The following RFX3 variants were observed in gnomAD, a reference collection of about 807,000 sequenced individuals.
The protein encoded by RFX3 is regulatory factor X3.
RFX3 carries 14 observed loss-of-function variants against 98.6 expected under a neutral mutation model. The observed-to-expected ratio is 0.14, with a 90% CI of 0.09 to 0.22. RFX3 has a LOEUF of 0.22. RFX3 is among the 10% of genes least tolerant of loss of function. The pLI, the probability that RFX3 is intolerant of heterozygous loss-of-function variation, is 1.00. For missense variants in RFX3, 639 were observed against 926.9 expected (o/e 0.69, Z 4.03); for synonymous variants, 383 against 328.4 (o/e 1.17, Z -1.80).
chr9:3,346,596 G>T, intron 3 of RFX3, 71 bp downstream of exon 3: 1 of 904,912 alleles, frequency 1.1e-6, no homozygotes, highest in Non-Finnish European at 1.9e-6. Flanking sequence ...TGGGAATAGT[G>T]GGAGGTGTTC....
intron 2 of RFX3, among the ~76,000 whole-genome samples, chr9:3,362,100 G>C (rs1836528836): frequency 6.6e-6 from 1 of 152,156 alleles, no homozygotes; most frequent in African/African-American, 2.4e-5. Context: ...AAAAAGCATG[G>C]TTAAGGGGGT....
rs1053061916 is a variant in RFX3, at chr9:3,330,299, C to T, written c.434G>A (p.Gly145Asp). ...CCGAGTTGTGTGTGTCACTGAGTGA[C>T]CAGAATTCTCCATTGAGTTGCCGAT... is the stretch of plus-strand genomic sequence containing the variant. ...YLIGNSMENSGHSVTHTTRAS... is the reference protein window; with the variant it reads ...YLIGNSMENSDHSVTHTTRAS... Residue 145 changes from glycine (G) to aspartate (D), a missense_variant, in exon 4 of 17, where the codon GGT becomes GAT. Around this residue, in one of 9 missense-constraint regions of RFX3, gnomAD observed 210 missense variants for 197.7 expected, o/e 1.06. Transcript: ENST00000617270. 1.2e-6 allele frequency: 2 copies of T among 1,613,910 alleles called. No individual in the cohort carries two copies. Among genetic ancestry groups the T allele is most frequent in the Non-Finnish European group, 1.7e-6 (2 of 1,179,984 alleles).
At chr9:3,372,945 A>C (rs1221858274) in intron 2 of RFX3, among the ~76,000 whole-genome samples, 1 of 152,164 alleles carries the variant, frequency 6.6e-6, no homozygotes, top group Non-Finnish European at 1.5e-5. Context: ...CTCTTGGAAA[A>C]AAGGTTGCAA....
Position 3,228,833 on chromosome 9 carries a change from T to C in RFX3, c.2011+14A>G, listed in dbSNP as rs765525605. The C allele has an allele frequency of 1.4e-5, 23 of 1,601,884 alleles. No individual in the cohort carries two copies. The highest frequency in any genetic ancestry group is 2.0e-5 in the Non-Finnish European group (23 of 1,174,330). On this transcript the variant is annotated intron_variant, in intron 16 of 16. Coordinates refer to ENST00000617270, the MANE Select transcript of RFX3 (RefSeq NM_001282116.2). ...ATAAAAGTTCTTAAAATGTACATTA[T>C]TTTCGATTCTTACCTTTATCCAGAT... is the stretch of plus-strand genomic sequence containing the variant.
intron 15 of RFX3, among the ~76,000 whole-genome samples, chr9:3,245,611 C>T (rs943783885): frequency 6.6e-6 from 1 of 152,152 alleles, no homozygotes; most frequent in African/African-American, 2.4e-5. Context: ...AGAATGCTCA[C>T]GTGTCTGGTA....
chr9:3,423,787 A>ATATC (rs1843672090), intron 1 of RFX3, among the ~76,000 whole-genome samples: 1 of 118,904 alleles, frequency 8.4e-6, no homozygotes, highest in African/African-American at 4.8e-5. Context: ...TCATATATAT[A>ATATC]TATATATATA....
chr9:3,353,632 G>C (rs1286186388), intron 2 of RFX3, among the ~76,000 whole-genome samples: 3 of 151,888 alleles, frequency 2.0e-5, no homozygotes, highest in Non-Finnish European at 2.9e-5. Context: ...ACAACTTTAG[G>C]CTCATCCTAA....
chr9:3,278,894 C>T (rs1052432973), intron 7 of RFX3, among the ~76,000 whole-genome samples: 8 of 151,712 alleles, frequency 5.3e-5, no homozygotes, highest in East Asian at 1.9e-4. Context: ...AGTGATGACT[C>T]CTCATTACAA....
intron 1 of RFX3, among the ~76,000 whole-genome samples, chr9:3,466,571 G>A (rs1848241379): frequency 6.6e-6 from 1 of 152,122 alleles, no homozygotes; most frequent in Admixed American, 6.6e-5. Flanking sequence ...TAAAGTTACT[G>A]TAATAATCTA....
rs1047330617 is a variant in RFX3 at position 3,491,907 on chromosome 9, C to A, written c.-9+33840G>T. On this transcript the variant is annotated intron_variant, in intron 1 of 16. Transcript: ENST00000617270. ...AATTAAATATATAATACAGTCTCCC[C>A]ATACTAATAGTTTACAGATGACCAT... Among the ~76,000 whole-genome samples, 3 of 152,262 alleles carry A rather than the reference C, an allele frequency of 2.0e-5. No individual in the cohort carries two copies. In the South Asian group the frequency reaches 6.2e-4, roughly 32 times the overall value.
At chr9:3,302,766 TC>T (rs1212940766) in intron 4 of RFX3, among the ~76,000 whole-genome samples, 1 of 151,826 alleles carries the variant, frequency 6.6e-6, no homozygotes, top group African/African-American at 2.4e-5. Flanking sequence ...CTTAATTTTC[TC>T]CCAAGTTTCC....
chr9:3,298,866 C>T (rs571485967), intron 5 of RFX3, among the ~76,000 whole-genome samples: 1 of 151,588 alleles, frequency 6.6e-6, no homozygotes, highest in Admixed American at 6.6e-5. Context: ...ATCCATATTC[C>T]AAAATAGAAT....
At chr9:3,305,756 T>G (rs971338538) in intron 4 of RFX3, among the ~76,000 whole-genome samples, 7 of 151,972 alleles carry the variant, frequency 4.6e-5, no homozygotes, top group Non-Finnish European at 7.4e-5. Context: ...GTGTGCAAAT[T>G]AGCTAGATAA....
At chr9:3,259,093 C>T (rs1457132554) in intron 13 of RFX3, among the ~76,000 whole-genome samples, 1 of 151,884 alleles carries the variant, frequency 6.6e-6, no homozygotes, top group Non-Finnish European at 1.5e-5. Context: ...TAACCAATCC[C>T]ACATAGTTAG....
chr9:3,308,690 G>A (rs896424691), intron 4 of RFX3, among the ~76,000 whole-genome samples: 3 of 152,168 alleles, frequency 2.0e-5, no homozygotes, highest in Non-Finnish European at 2.9e-5. Flanking sequence ...AACTTGCTGA[G>A]AGAGTGGTTT....
intron 2 of RFX3, among the ~76,000 whole-genome samples, chr9:3,361,354 G>A (rs1013249177): frequency 6.6e-6 from 1 of 152,108 alleles, no homozygotes; most frequent in Admixed American, 6.5e-5. Flanking sequence ...AGCAATTGAG[G>A]AAAGAGAAGT....
intron 2 of RFX3, among the ~76,000 whole-genome samples, chr9:3,377,337 C>T (rs1283755816): frequency 2.0e-5 from 3 of 152,042 alleles, no homozygotes; most frequent in Non-Finnish European, 2.9e-5. Flanking sequence ...AGCAAACTAT[C>T]GCAGGGACAA....
chr9:3,340,762 T>C (rs1444767618), intron 3 of RFX3, among the ~76,000 whole-genome samples: 1 of 152,198 alleles, frequency 6.6e-6, no homozygotes, highest in East Asian at 1.9e-4. Context: ...CAACAGGTGC[T>C]GGAGAGGATG....
At chr9:3,336,971 C>T (rs1462982117) in intron 3 of RFX3, among the ~76,000 whole-genome samples, 1 of 152,046 alleles carries the variant, frequency 6.6e-6, no homozygotes, top group African/African-American at 2.4e-5. Flanking sequence ...AAATGTACGC[C>T]TAATTTTCTC....
Sources: allele counts gnomAD v4.1 joint callset (sites outside exome capture counted in the v4.1 genomes callset), GRCh38; gene constraint gnomAD v4.1.1; regional missense constraint gnomAD v4.1.1; transcripts MANE v1.5; gene names NCBI Gene and HGNC (gene_info 2026-07-23, HGNC 2026-07-21).